DMD: variants seen among roughly 807,000 people sequenced by gnomAD.
The protein encoded by DMD is mutant dystrophin.
In DMD, 63 loss-of-function variants were observed where a neutral mutation model predicts 330.1. That is an observed-to-expected ratio of 0.19 (90% CI 0.16 to 0.24). The LOEUF (loss-of-function observed/expected upper bound fraction) is 0.24. DMD is among the 10% of genes least tolerant of loss of function. The pLI is 1.00. For synonymous variants in DMD, 1,223 were observed against 959.8 expected (o/e 1.27, Z -5.07); for missense variants, 3,344 against 2,684.1 (o/e 1.25, Z -5.43).
At chrX:31,617,191 A>C (rs2078245143) in intron 55 of DMD, among the ~76,000 whole-genome samples, 1 of 112,031 alleles carries the variant, frequency 8.9e-6, no homozygotes, top group Non-Finnish European at 1.9e-5. Context: ...TATTGACTAA[A>C]TATCAAATGA....
Position 31,168,095 on chromosome X carries a change from C to T in DMD, c.10553+1348G>A, listed in dbSNP as rs777876556. 1.3e-4 allele frequency among the ~76,000 whole-genome samples: 14 copies of T among 111,590 alleles called. No homozygotes were observed. The East Asian group carries it at 2.5e-3, about 20-fold the overall frequency. On this transcript the variant is annotated intron_variant, in intron 74 of 78. Transcript: ENST00000357033. ...ATAGGTGGGATTCCTTTGTCAGATA[C>T]GGCAGTGGTGGGTTAGAGGTTAGCA...
chrX:32,056,025 T>C (rs1329087044), intron 44 of DMD, among the ~76,000 whole-genome samples: 2 of 111,667 alleles, frequency 1.8e-5, no homozygotes, highest in African/African-American at 3.2e-5. Context: ...TTTTATGTGA[T>C]CATATGAGTA....
chrX:31,505,211 G>A (rs1443414672), intron 56 of DMD, among the ~76,000 whole-genome samples: 3 of 111,206 alleles, frequency 2.7e-5, no homozygotes, highest in Non-Finnish European at 3.8e-5. Flanking sequence ...AGTGGCCTAC[G>A]TCATCACACA....
chrX:32,503,584 C>G, intron 18 of DMD, among the ~76,000 whole-genome samples: 1 of 111,317 alleles, frequency 9.0e-6, no homozygotes, highest in Non-Finnish European at 1.9e-5. Flanking sequence ...GAGACAGAGT[C>G]TCACTCTGTC....
chrX:32,246,834 A>G (rs974106108), intron 43 of DMD, among the ~76,000 whole-genome samples: 1 of 111,033 alleles, frequency 9.0e-6, no homozygotes, highest in Non-Finnish European at 1.9e-5. Context: ...TCTACAAGTC[A>G]AACCTGAAAT....
At chrX:33,326,054 C>T (rs1033813997) in intron 1 of DMD, among the ~76,000 whole-genome samples, 3 of 110,970 alleles carry the variant, frequency 2.7e-5, no homozygotes, top group African/African-American at 9.8e-5. Flanking sequence ...CTTGGGTCAA[C>T]GCATTTCCCT....
At chrX:32,658,448 C>T (rs746924640) in intron 9 of DMD, among the ~76,000 whole-genome samples, 1 of 111,082 alleles carries the variant, frequency 9.0e-6, no homozygotes, top group Admixed American at 9.6e-5. Flanking sequence ...AAATTGTAGC[C>T]CCAAAGCATC....
intron 48 of DMD, among the ~76,000 whole-genome samples, chrX:31,854,408 T>C (rs1603500619): frequency 8.9e-6 from 1 of 111,954 alleles, no homozygotes; most frequent in South Asian, 3.7e-4. Flanking sequence ...ATTTAGTACA[T>C]GTAAAGGTAA....
Position 32,737,531 on chromosome X carries a change from G to A in DMD, c.650-38238C>T, listed in dbSNP as rs1039978729. Among the ~76,000 whole-genome samples, 13 of 111,103 alleles carry A rather than the reference G, an allele frequency of 1.2e-4. No individual in the cohort carries two copies. The East Asian group carries it at 3.7e-3, about 32-fold the overall frequency. On this transcript the variant is annotated intron_variant, in intron 7 of 78. Coordinates refer to ENST00000357033, the MANE Select transcript of DMD (RefSeq NM_004006.3). ...GAAAACTAAACTATATTAGCATGTA[G>A]TTTTGGGTTGATACAAACTTCTCTC...
intron 1 of DMD, among the ~76,000 whole-genome samples, chrX:33,032,432 T>C (rs2094132020): frequency 8.9e-6 from 1 of 111,933 alleles, no homozygotes; most frequent in Non-Finnish European, 1.9e-5. Context: ...ATATAGCAGG[T>C]AAATAGTAAA....
At chrX:31,196,372 T>A (rs1226012087) in intron 67 of DMD, among the ~76,000 whole-genome samples, 1 of 111,055 alleles carries the variant, frequency 9.0e-6, no homozygotes, top group Admixed American at 9.6e-5. Flanking sequence ...TCTTACTAAT[T>A]ACTTAGTTAC....
chrX:32,438,325 G>A lies in DMD; in HGVS notation c.3987C>T (p.Thr1329=). 1 of 1,210,689 alleles carries A rather than the reference G, an allele frequency of 8.3e-7. No individual in the cohort carries two copies. Among genetic ancestry groups the A allele is most frequent in the Non-Finnish European group, 1.1e-6 (1 of 894,935 alleles). The change falls in exon 29 of 79, where the codon ACC becomes ACT. Residue 1329 remains threonine, a synonymous_variant. Coordinates refer to ENST00000357033, the MANE Select transcript of DMD (RefSeq NM_004006.3). ...NPNQIRILAQ[T]LTDGGVMDEL... is the part of the protein sequence containing the mutation. The stretch of plus-strand genomic sequence containing the variant: ...CATCCATGACTCCGCCATCTGTTAG[G>A]GTCTGTGCCAATATGCGAATCTGAT...
chrX:31,299,114 C>A (rs1348146388), intron 62 of DMD, among the ~76,000 whole-genome samples: 5 of 111,547 alleles, frequency 4.5e-5, no homozygotes, highest in Non-Finnish European at 9.4e-5. Context: ...CTGCAAATGT[C>A]ATTTACAAAA....
At chrX:32,753,689 ATAC>A (rs1369872385) in intron 7 of DMD, among the ~76,000 whole-genome samples, 1 of 112,147 alleles carries the variant, frequency 8.9e-6, no homozygotes, top group African/African-American at 3.2e-5. Context: ...TCTCCTCTAA[ATAC>A]TACATTATAC....
At chrX:31,910,572 A>G (rs2094534935) in intron 47 of DMD, among the ~76,000 whole-genome samples, 1 of 111,980 alleles carries the variant, frequency 8.9e-6, no homozygotes, top group African/African-American at 3.2e-5. Context: ...GTACAAACTA[A>G]ATGCCTGACA....
chrX:31,866,852 G>A (rs754085349), intron 48 of DMD, among the ~76,000 whole-genome samples: 88 of 111,369 alleles, frequency 7.9e-4, no homozygotes, highest in Middle Eastern at 4.7e-3. Context: ...AAATCTGAAT[G>A]AACATTGGAA....
At chrX:33,118,057 A>C (rs2095398730) in intron 1 of DMD, among the ~76,000 whole-genome samples, 1 of 110,585 alleles carries the variant, frequency 9.0e-6, no homozygotes, top group Non-Finnish European at 1.9e-5. Context: ...TCTAATTTAC[A>C]TCCTATACTT....
At chrX:32,055,166 G>A (rs369274433) in intron 44 of DMD, among the ~76,000 whole-genome samples, 3 of 110,962 alleles carry the variant, frequency 2.7e-5, no homozygotes, top group Non-Finnish European at 3.8e-5. Flanking sequence ...CGAAAATCTC[G>A]TCCCTTATAT....
chrX:32,007,061 A>C (rs1265946131), intron 44 of DMD, among the ~76,000 whole-genome samples: 1 of 57,288 alleles, frequency 1.7e-5, no homozygotes, highest in Non-Finnish European at 2.9e-5. Context: ...CACTCTGGGG[A>C]CTGTTGTGGG....
Sources: allele counts gnomAD v4.1 joint callset (sites outside exome capture counted in the v4.1 genomes callset), GRCh38; gene constraint gnomAD v4.1.1; transcripts MANE v1.5; gene names NCBI Gene and HGNC (gene_info 2026-07-23, HGNC 2026-07-21).